IL1RAPL1: variants seen among roughly 807,000 people sequenced by gnomAD.
IL1RAPL1 encodes interleukin 1 receptor accessory protein like 1, also known as interleukin-1 receptor accessory protein-like 1.
Under a neutral mutation model 48.4 loss-of-function variants are expected in IL1RAPL1, and 3 were observed. The observed-to-expected ratio is 0.06, with a 90% CI of 0.03 to 0.16. The LOEUF (loss-of-function observed/expected upper bound fraction) is 0.16, where lower values mean the gene tolerates loss of function less well. Ranked by LOEUF, IL1RAPL1 falls within the 10% of genes least tolerant of loss-of-function variation. IL1RAPL1 has a pLI of 1.00. For synonymous variants in IL1RAPL1, 185 were observed against 187.7 expected, an observed-to-expected ratio of 0.99 and a Z score of 0.12; for missense variants, 349 against 530.6, an observed-to-expected ratio of 0.66 and a Z score of 3.36.
At chrX:29,272,185 G>A (rs756419585) in intron 2 of IL1RAPL1, among the ~76,000 whole-genome samples, 2 of 111,693 alleles carry the variant, frequency 1.8e-5, no homozygotes, top group South Asian at 7.5e-4. Flanking sequence ...GCTTGGTTTT[G>A]TCAACTTTCT....
chrX:29,244,348 T>A (rs1376408373), intron 2 of IL1RAPL1, among the ~76,000 whole-genome samples: 1 of 112,292 alleles, frequency 8.9e-6, no homozygotes, highest in African/African-American at 3.2e-5. Flanking sequence ...CTCAAAGCAC[T>A]TGAACAAAGT....
chrX:29,419,930 G>A (rs1371319327), intron 5 of IL1RAPL1, among the ~76,000 whole-genome samples: 5 of 111,768 alleles, frequency 4.5e-5, no homozygotes, highest in Non-Finnish European at 9.4e-5. Flanking sequence ...CAATTTCCCA[G>A]CCCCTCTTGC....
Position 29,591,778 on chromosome X carries a change from A to T in IL1RAPL1, c.704-76652A>T, listed in dbSNP as rs148973241. ...AGCAGCAATTTGCAGGCCCAAGTGG[A>T]CTCAATCTTTGGGAAAACACAGAGC... is the stretch of plus-strand genomic sequence containing the variant. On this transcript the variant is annotated intron_variant, in intron 5 of 10. Transcript: ENST00000378993. Among the ~76,000 whole-genome samples the T allele has an allele frequency of 8.0e-3, 895 of 112,486 alleles. 10 individuals carry two copies. The highest frequency in any genetic ancestry group is 0.028 in the African/African-American group (853 of 30,945).
At chrX:29,652,196 A>G (rs1304492825) in intron 5 of IL1RAPL1, among the ~76,000 whole-genome samples, 2 of 112,234 alleles carry the variant, frequency 1.8e-5, no homozygotes, top group Non-Finnish European at 3.8e-5. Flanking sequence ...TTTACCTGTT[A>G]TGAAAAACAC....
At chrX:28,704,245 T>TA (rs2146931397) in intron 1 of IL1RAPL1, among the ~76,000 whole-genome samples, 1 of 111,259 alleles carries the variant, frequency 9.0e-6, no homozygotes, top group African/African-American at 3.3e-5. Context: ...ATCAGGGAAT[T>TA]ACATATATCT....
intron 2 of IL1RAPL1, among the ~76,000 whole-genome samples, chrX:28,809,652 TGGAA>T (rs1318743376): frequency 1.8e-5 from 2 of 110,456 alleles, no homozygotes; most frequent in Non-Finnish European, 3.8e-5. Context: ...AGGAGTAAAA[TGGAA>T]GGAAATGTTG....
At chrX:29,216,249 G>T (rs1235765685) in intron 2 of IL1RAPL1, among the ~76,000 whole-genome samples, 1 of 110,975 alleles carries the variant, frequency 9.0e-6, no homozygotes, top group African/African-American at 3.3e-5. Context: ...GAGTGCAGTG[G>T]TGCGATCACA....
intron 6 of IL1RAPL1, among the ~76,000 whole-genome samples, chrX:29,760,386 T>C (rs757269571): frequency 9.0e-5 from 10 of 111,510 alleles, no homozygotes; most frequent in Non-Finnish European, 1.5e-4. Flanking sequence ...CCAGAAACAA[T>C]TGGGTAAAGG....
chrX:29,112,792 G>GT (rs1928598370), intron 2 of IL1RAPL1, among the ~76,000 whole-genome samples: 6 of 82,757 alleles, frequency 7.3e-5, no homozygotes, highest in South Asian at 7.3e-4. Flanking sequence ...TGTCAACTTT[G>GT]GTTTTTTTTT....
chrX:29,840,573 A>G (rs1401213722), intron 6 of IL1RAPL1, among the ~76,000 whole-genome samples: 1 of 112,458 alleles, frequency 8.9e-6, no homozygotes, highest in Non-Finnish European at 1.9e-5. Flanking sequence ...ATAGATTATT[A>G]AAACAGTGCA....
At chrX:28,910,057 C>T (rs1344636147) in intron 2 of IL1RAPL1, among the ~76,000 whole-genome samples, 1 of 111,652 alleles carries the variant, frequency 9.0e-6, no homozygotes, top group Non-Finnish European at 1.9e-5. Context: ...AGGAAATATT[C>T]TTACTTAAAA....
intron 2 of IL1RAPL1, among the ~76,000 whole-genome samples, chrX:29,158,667 A>G (rs921376415): frequency 1.8e-5 from 2 of 111,175 alleles, no homozygotes; most frequent in Non-Finnish European, 3.8e-5. Flanking sequence ...GTGAGCCACC[A>G]CTGCACCTGG....
At chrX:29,464,372 C>A (rs1299208680) in intron 5 of IL1RAPL1, among the ~76,000 whole-genome samples, 1 of 111,244 alleles carries the variant, frequency 9.0e-6, no homozygotes, top group African/African-American at 3.3e-5. Context: ...TAAATGGTCT[C>A]CCTTGAGTTG....
intron 1 of IL1RAPL1, among the ~76,000 whole-genome samples, chrX:28,702,640 A>C (rs960771926): frequency 1.8e-5 from 2 of 111,763 alleles, no homozygotes; most frequent in African/African-American, 6.5e-5. Context: ...TGTTAATGTA[A>C]AATAAAGTCA....
intron 2 of IL1RAPL1, among the ~76,000 whole-genome samples, chrX:29,215,062 A>T (rs1449850173): frequency 1.8e-5 from 2 of 111,667 alleles, no homozygotes; most frequent in African/African-American, 6.5e-5. Context: ...TTTTTAAAGG[A>T]TTGGGCCAGG....
At chrX:29,162,064 G>T (rs189174095) in intron 2 of IL1RAPL1, among the ~76,000 whole-genome samples, 2 of 111,731 alleles carry the variant, frequency 1.8e-5, no homozygotes, top group East Asian at 5.6e-4. Context: ...GCAGGGAAAT[G>T]GATGAAGCTG....
At chrX:28,710,920 A>G (rs1935433645) in intron 1 of IL1RAPL1, among the ~76,000 whole-genome samples, 1 of 112,151 alleles carries the variant, frequency 8.9e-6, no homozygotes, top group South Asian at 3.7e-4. Context: ...AACGACAGGT[A>G]TAGAGTTGTG....
In IL1RAPL1 at chrX:28,940,337, A is replaced by C. The variant is rs1018848422; in HGVS notation, c.82+150912A>C. ...TATATTTATGAGAGCAAAAATATTG[A>C]GTAGCATTTGGCCAAAGGATCTTGA... On this transcript the variant is annotated intron_variant, in intron 2 of 10. Coordinates refer to ENST00000378993, the MANE Select transcript of IL1RAPL1 (RefSeq NM_014271.4). 4.5e-5 allele frequency among the ~76,000 whole-genome samples: 5 copies of C among 111,320 alleles called. No homozygotes were observed. In the South Asian group the frequency reaches 1.8e-3, roughly 41 times the overall value.
intron 1 of IL1RAPL1, among the ~76,000 whole-genome samples, chrX:28,710,587 T>G (rs2041904282): frequency 9.0e-6 from 1 of 110,547 alleles, no homozygotes; most frequent in Admixed American, 9.7e-5. Context: ...GTAGAGTTAT[T>G]GTGGGGTCTG....
Sources: gnomAD v4.1 joint callset for allele counts (sites outside exome capture counted in the v4.1 genomes callset) on GRCh38, gnomAD v4.1.1 for gene constraint, MANE v1.5 for transcripts, NCBI Gene and HGNC (gene_info 2026-07-23, HGNC 2026-07-21) for gene names.